Variants in NAALADL2 observed in about 807,000 individuals in gnomAD.
NAALADL2 encodes the protein inactive N-acetylated-alpha-linked acidic dipeptidase-like protein 2.
Under a neutral mutation model 87.2 loss-of-function variants are expected in NAALADL2, and 76 were observed. The ratio of observed to expected loss-of-function variants is 0.87; its 90% CI spans 0.72 to 1.05. The LOEUF is 1.05. NAALADL2 is among the 50% of genes least tolerant of loss of function. The pLI, the probability that NAALADL2 is intolerant of heterozygous loss-of-function variation, is 0.00. For synonymous variants in NAALADL2, 354 were observed against 331.0 expected (o/e 1.07, Z -0.75); for missense variants, 1,089 against 945.8 (o/e 1.15, Z -1.99).
At chr3:175,459,036 C>T (rs1380673630) in intron 6 of NAALADL2, among the ~76,000 whole-genome samples, 3 of 152,024 alleles carry the variant, frequency 2.0e-5, no homozygotes, top group Non-Finnish European at 4.4e-5. Flanking sequence ...ACACTATCCC[C>T]ACCATCCTTG....
chr3:175,737,717 T>TTG (rs1232640732), intron 12 of NAALADL2, among the ~76,000 whole-genome samples: 4 of 123,368 alleles, frequency 3.2e-5, no homozygotes, highest in Admixed American at 7.9e-5. Context: ...TGATCCAGTT[T>TTG]TTTTTTTTTT....
At chr3:175,000,580 T>G (rs1748097376) in intron 1 of NAALADL2, among the ~76,000 whole-genome samples, 2 of 152,138 alleles carry the variant, frequency 1.3e-5, no homozygotes, top group Non-Finnish European at 2.9e-5. Flanking sequence ...CTATTTACCC[T>G]TTCCATCACA....
At chr3:174,531,203 T>C (rs1721206259) in intron 1 of NAALADL2, among the ~76,000 whole-genome samples, 1 of 152,198 alleles carries the variant, frequency 6.6e-6, no homozygotes. Flanking sequence ...TAATCAACTT[T>C]TATCACATTT....
intron 1 of NAALADL2, among the ~76,000 whole-genome samples, chr3:174,896,213 T>C (rs776797093): frequency 6.6e-6 from 1 of 151,948 alleles, no homozygotes; most frequent in African/African-American, 2.4e-5. Context: ...TTAAAGGACA[T>C]CCACACTGAA....
chr3:175,050,340 G>A (rs1755210502), intron 1 of NAALADL2, among the ~76,000 whole-genome samples: 1 of 138,154 alleles, frequency 7.2e-6, no homozygotes, highest in Admixed American at 7.6e-5. Flanking sequence ...TCAGCTCACT[G>A]CAGCCTCTGC....
intron 2 of NAALADL2, among the ~76,000 whole-genome samples, chr3:174,729,254 G>T (rs1470562664): frequency 3.3e-5 from 5 of 151,926 alleles, no homozygotes; most frequent in African/African-American, 1.2e-4. Context: ...CATTACTGAG[G>T]CTTACTATGT....
chr3:175,467,271 A>G (rs894698378), intron 8 of NAALADL2, 87 bp downstream of exon 8: 16 of 1,095,832 alleles, frequency 1.5e-5, no homozygotes, highest in Admixed American at 1.4e-4. Flanking sequence ...GCCAAGGGCA[A>G]TAATGTGCTT....
At chr3:175,382,727 T>A (rs1296090939) in intron 5 of NAALADL2, among the ~76,000 whole-genome samples, 1 of 151,692 alleles carries the variant, frequency 6.6e-6, no homozygotes, top group Non-Finnish European at 1.5e-5. Context: ...GACATTTACC[T>A]GTTATTATCT....
rs1367601190 is a variant in NAALADL2, at chr3:175,436,443, T to C, written c.1091-10786T>C. On this transcript the variant is annotated intron_variant, in intron 5 of 13. Coordinates refer to ENST00000454872, the MANE Select transcript of NAALADL2 (RefSeq NM_207015.3). Reference sequence around the variant, plus strand: ...ATCGCCACACTGACTTCCACAATGGTTGAACTAGTTTACAGTCCCATCAAC... The same window carrying C: ...ATCGCCACACTGACTTCCACAATGGCTGAACTAGTTTACAGTCCCATCAAC... Among the ~76,000 whole-genome samples, 32 of 146,176 alleles carry C rather than the reference T, an allele frequency of 2.2e-4. 1 individual carries two copies. The highest frequency in any genetic ancestry group is 2.0e-3 in the Admixed American group (28 of 14,316).
chr3:174,825,888 G>C (rs897382941), intron 3 of NAALADL2, among the ~76,000 whole-genome samples: 6 of 152,162 alleles, frequency 3.9e-5, no homozygotes, highest in Non-Finnish European at 2.9e-5. Flanking sequence ...TTAGGCGGGC[G>C]TGGTGGCGGG....
chr3:175,270,728 G>T (rs1368465885), intron 4 of NAALADL2, among the ~76,000 whole-genome samples: 1 of 152,158 alleles, frequency 6.6e-6, no homozygotes, highest in Non-Finnish European at 1.5e-5. Flanking sequence ...AAGGTTGACA[G>T]ATATGTGGAA....
chr3:174,508,934 T>A (rs938689607), intron 1 of NAALADL2, among the ~76,000 whole-genome samples: 1 of 152,142 alleles, frequency 6.6e-6, no homozygotes, highest in Non-Finnish European at 1.5e-5. Flanking sequence ...TATATAGAAA[T>A]GTCACTTTTG....
At chr3:174,793,180 T>G (rs1419139234) in intron 3 of NAALADL2, among the ~76,000 whole-genome samples, 1 of 152,126 alleles carries the variant, frequency 6.6e-6, no homozygotes, top group East Asian at 1.9e-4. Context: ...GTTCTATTCT[T>G]TTATGAGACA....
At chr3:175,784,592 C>G (rs1192479299) in intron 13 of NAALADL2, among the ~76,000 whole-genome samples, 6 of 143,826 alleles carry the variant, frequency 4.2e-5, no homozygotes, top group African/African-American at 8.3e-5. Context: ...ATTCTTCTCT[C>G]TTTTTTTCTT....
At chr3:175,291,815 A>T (rs1310803562) in intron 4 of NAALADL2, among the ~76,000 whole-genome samples, 4 of 152,172 alleles carry the variant, frequency 2.6e-5, no homozygotes, top group African/African-American at 7.2e-5. Context: ...AAAACATACA[A>T]TGGAGTTTCA....
At chr3:174,698,970 T>TAA (rs1729292856) in intron 2 of NAALADL2, among the ~76,000 whole-genome samples, 2 of 146,686 alleles carry the variant, frequency 1.4e-5, no homozygotes, top group African/African-American at 5.4e-5. Context: ...TGTGCGTGTA[T>TAA]ATATATATAC....
At chr3:175,026,584 G>A (rs564719049) in intron 1 of NAALADL2, among the ~76,000 whole-genome samples, 1 of 151,882 alleles carries the variant, frequency 6.6e-6, no homozygotes, top group Non-Finnish European at 1.5e-5. Flanking sequence ...GAACCTGGTA[G>A]GCAGAGGTCT....
rs193197908 is a variant in NAALADL2, at chr3:174,810,354, T to C, written c.-9+72608T>C. Among the ~76,000 whole-genome samples, 981 of 152,160 alleles carry C rather than the reference T, an allele frequency of 6.4e-3. 5 individuals carry two copies. Among genetic ancestry groups the C allele is most frequent in the Middle Eastern group, 0.017 (5 of 294 alleles). ...TATGACCCAAATGCTGATAATGATA[T>C]GAACAGAGATGGCCAGGCTGAGGAG... On this transcript the variant is annotated intron_variant, in intron 3 of 3. Coordinates refer to the NAALADL2 transcript ENST00000434257.
intron 3 of NAALADL2, among the ~76,000 whole-genome samples, chr3:174,846,610 A>C (rs1724649472): frequency 6.6e-6 from 1 of 152,172 alleles, no homozygotes; most frequent in African/African-American, 2.4e-5. Flanking sequence ...TTGACTTTTA[A>C]AAAACAAACA....
Sources: gnomAD v4.1 joint callset for allele counts (sites outside exome capture counted in the v4.1 genomes callset) on GRCh38, gnomAD v4.1.1 for gene constraint, MANE v1.5 for transcripts, NCBI Gene and HGNC (gene_info 2026-07-23, HGNC 2026-07-21) for gene names.